Variants in ARID1B observed in about 807,000 individuals in gnomAD.
The protein encoded by ARID1B is AT-rich interactive domain-containing protein 1B.
Under a neutral mutation model 212.3 loss-of-function variants are expected in ARID1B, and 30 were observed. That is an observed-to-expected ratio of 0.14 (90% CI 0.11 to 0.19). The LOEUF is 0.19. Among genes scored for constraint, ARID1B ranks in the 10% least tolerant of loss-of-function variants. ARID1B has a pLI of 1.00. For missense variants in ARID1B, 2,891 were observed against 3,204.0 expected (o/e 0.90, Z 2.36); for synonymous variants, 1,402 against 1,301.7 (o/e 1.08, Z -1.66).
At chr6:157,147,174 G>A (rs1384501393) in intron 7 of ARID1B, among the ~76,000 whole-genome samples, 2 of 151,122 alleles carry the variant, frequency 1.3e-5, no homozygotes, top group African/African-American at 2.4e-5. Context: ...GAAAGGAAAG[G>A]GAAAACAACT....
intron 12 of ARID1B, among the ~76,000 whole-genome samples, chr6:157,181,802 A>C (rs1792560109): frequency 6.6e-6 from 1 of 152,140 alleles, no homozygotes; most frequent in African/African-American, 2.4e-5. Context: ...GGCTTTCCTC[A>C]CTGTAGCCCT....
chr6:157,060,005 T>A (rs1320269564), intron 4 of ARID1B, among the ~76,000 whole-genome samples: 1 of 152,230 alleles, frequency 6.6e-6, no homozygotes, highest in Non-Finnish European at 1.5e-5. Context: ...AGTGTATTGT[T>A]CCTGGCAGGG....
chr6:157,012,263 T>C (rs1284205051), intron 4 of ARID1B, among the ~76,000 whole-genome samples: 4 of 152,088 alleles, frequency 2.6e-5, no homozygotes, highest in South Asian at 2.1e-4. Context: ...ACAAACATGA[T>C]ATAACGTAAT....
intron 5 of ARID1B, among the ~76,000 whole-genome samples, chr6:157,106,480 T>C (rs1044806512): frequency 1.3e-5 from 2 of 152,182 alleles, no homozygotes; most frequent in African/African-American, 4.8e-5. Context: ...TGGAGGCCTC[T>C]CGTTCTTGCC....
chr6:156,976,427 G>C (rs915521205), intron 4 of ARID1B: 2 of 169,146 alleles, frequency 1.2e-5, no homozygotes, highest in African/African-American at 2.4e-5. Context: ...GAGTTGGGGG[G>C]ACTTCCTGGG....
At chr6:157,023,010 G>A (rs1780425159) in intron 4 of ARID1B, 1 of 152,180 alleles carries the variant, frequency 6.6e-6, no homozygotes, top group Non-Finnish European at 1.5e-5. Context: ...AAATTTTCAT[G>A]TAGCAATTTC....
chr6:156,996,315 A>T (rs1562536392), intron 4 of ARID1B, among the ~76,000 whole-genome samples: 2 of 152,080 alleles, frequency 1.3e-5, no homozygotes, highest in East Asian at 3.9e-4. Context: ...TCTTGATGAG[A>T]CTCTAGGGCA....
In ARID1B at chr6:157,039,322, C is replaced by CTTTTTTTTTTTTTT. The variant is rs1003131791; in HGVS notation, c.2248-45334_2248-45321dup. 1.4e-3 allele frequency among the ~76,000 whole-genome samples: 140 copies of CTTTTTTTTTTTTTT among 102,936 alleles called. 12 individuals are homozygous for CTTTTTTTTTTTTTT. Among genetic ancestry groups the CTTTTTTTTTTTTTT allele is most frequent in the East Asian group, 9.2e-3 (36 of 3,906 alleles). 67.5% of individuals were successfully genotyped at this position (102,936 alleles called of 152,430 possible). The stretch of plus-strand genomic sequence containing the variant: ...ATTAAAAATGGGAAATTTGACATTT[C>CTTTTTTTTTTTTTT]TTTTTTTTTTTTTTTTTTTGAGACG... On this transcript the variant is annotated intron_variant, in intron 4 of 19. Transcript: ENST00000636930.
intron 3 of ARID1B, among the ~76,000 whole-genome samples, chr6:156,911,114 C>T (rs1789834398): frequency 6.6e-6 from 1 of 152,160 alleles, no homozygotes; most frequent in Non-Finnish European, 1.5e-5. Context: ...AGGAATGTTG[C>T]ATTGGCAACT....
At chr6:156,928,926 A>C (rs980658135) in intron 3 of ARID1B, among the ~76,000 whole-genome samples, 1 of 152,262 alleles carries the variant, frequency 6.6e-6, no homozygotes, top group African/African-American at 2.4e-5. Flanking sequence ...GAAGCCCAGG[A>C]TAAAACCTTA....
chr6:156,893,045 C>CTTTTTTGTTTTTTTTTTTTTTTT (rs1554263983), intron 2 of ARID1B, among the ~76,000 whole-genome samples: 2 of 85,924 alleles, frequency 2.3e-5, no homozygotes, highest in African/African-American at 9.4e-5. Context: ...TTTTTTCTTC[C>CTTTTTTGTTTTTTTTTTTTTTTT]TTTTTTTTTT....
intron 2 of ARID1B, among the ~76,000 whole-genome samples, chr6:156,836,275 CGGATGCCCAA>C (rs1783505638): frequency 6.6e-6 from 1 of 152,140 alleles, no homozygotes. Flanking sequence ...AATCCCCCCA[CGGATGCCCAA>C]GGATGCCCAT....
chr6:157,107,223 C>A (rs1012081392), intron 5 of ARID1B, among the ~76,000 whole-genome samples: 1 of 152,090 alleles, frequency 6.6e-6, no homozygotes, highest in Non-Finnish European at 1.5e-5. Context: ...GACTAAAGTA[C>A]CTACCAGCTG....
chr6:156,795,489 T>A (rs572021361), intron 1 of ARID1B, among the ~76,000 whole-genome samples: 1 of 152,174 alleles, frequency 6.6e-6, no homozygotes, highest in Non-Finnish European at 1.5e-5. Context: ...ACACCAAAAT[T>A]AGCATATCTA....
At chr6:157,180,158 C>A (rs1229367492) in intron 11 of ARID1B, among the ~76,000 whole-genome samples, 1 of 152,058 alleles carries the variant, frequency 6.6e-6, no homozygotes, top group Admixed American at 6.6e-5. Flanking sequence ...AAAAGTGTTA[C>A]CTGTCCAGAT....
At chr6:157,039,322 C>CTTTTTTTTTTT (rs1003131791) in intron 4 of ARID1B, among the ~76,000 whole-genome samples, 2,000 of 102,794 alleles carry the variant, frequency 0.019, 275 homozygotes, top group Non-Finnish European at 0.026. Flanking sequence ...TTTGACATTT[C>CTTTTTTTTTTT]TTTTTTTTTT....
Position 157,175,004 on chromosome 6 carries a change from C to T in ARID1B, c.3503C>T (p.Pro1168Leu). 1 of 1,388,114 alleles carries T rather than the reference C, an allele frequency of 7.2e-7. No homozygotes were observed. The highest frequency in any genetic ancestry group is 9.4e-7 in the Non-Finnish European group (1 of 1,063,614). 86.0% of individuals were successfully genotyped at this position (1,388,114 alleles called of 1,614,324 possible). A position where few individuals can be genotyped will look rare whatever the true frequency, so the allele number is the denominator to read the frequency against. ...SPGWPKTPSS[P>L]KSSSSTTTGE... ...GGCTGGCCAAAGACTCCATCAAGCCCTGTAAGTGGCTCTGGTTTTTTTTTG... is the reference window on the plus strand; with the variant it reads ...GGCTGGCCAAAGACTCCATCAAGCCTTGTAAGTGGCTCTGGTTTTTTTTTG... The change falls in exon 11 of 20, where the codon CCT becomes CTT. Residue 1168 changes from proline (P) to leucine (L), a missense_variant and splice_region_variant. Physicochemically the swap from Pro to Leu is moderately conservative, Grantham distance 98. Around this residue, in one of 7 missense-constraint regions of ARID1B, gnomAD observed 666 missense variants for 873.5 expected, o/e 0.76. Transcript: ENST00000636930.
chr6:156,902,685 G>A (rs1433020755), intron 3 of ARID1B, among the ~76,000 whole-genome samples: 2 of 145,568 alleles, frequency 1.4e-5, no homozygotes, highest in Admixed American at 1.4e-4. Context: ...TGCAGTGAGC[G>A]GAGACCACAT....
chr6:156,928,519 C>CT (rs1791425494), intron 3 of ARID1B, among the ~76,000 whole-genome samples: 1 of 152,154 alleles, frequency 6.6e-6, no homozygotes, highest in African/African-American at 2.4e-5. Flanking sequence ...GCAAGGCACT[C>CT]TCTCCAGAGG....
Sources: allele counts gnomAD v4.1 joint callset (sites outside exome capture counted in the v4.1 genomes callset), GRCh38; gene constraint gnomAD v4.1.1; regional missense constraint gnomAD v4.1.1; transcripts MANE v1.5; gene names NCBI Gene and HGNC (gene_info 2026-07-23, HGNC 2026-07-21).